Variants in FHIT observed in about 807,000 individuals in gnomAD.
FHIT encodes the protein fragile histidine triad diadenosine triphosphatase.
A neutral mutation model predicts 17.9 loss-of-function variants in FHIT; 19 were observed. That is an observed-to-expected ratio of 1.06 (90% CI 0.74 to 1.56). The LOEUF is 1.56. Ranked by LOEUF, FHIT falls within the 40% of genes most tolerant of loss-of-function variation. The pLI is 0.00. For synonymous variants in FHIT, 81 were observed against 69.7 expected, an observed-to-expected ratio of 1.16 and a Z score of -0.81; for missense variants, 248 against 189.2, an observed-to-expected ratio of 1.31 and a Z score of -1.82.
intron 4 of FHIT, among the ~76,000 whole-genome samples, chr3:60,608,632 C>T (rs2038684923): frequency 6.6e-6 from 1 of 152,038 alleles, no homozygotes; most frequent in Non-Finnish European, 1.5e-5. Flanking sequence ...GAACTGGGCC[C>T]AATATCATTA....
intron 4 of FHIT, among the ~76,000 whole-genome samples, chr3:60,637,408 A>G (rs889070447): frequency 2.0e-5 from 3 of 152,178 alleles, no homozygotes; most frequent in Middle Eastern, 3.2e-3. Context: ...AGTACTCAAT[A>G]TGGTACCTCA....
intron 4 of FHIT, among the ~76,000 whole-genome samples, chr3:60,618,954 C>CA (rs1553677101): frequency 6.6e-6 from 1 of 152,048 alleles, no homozygotes; most frequent in African/African-American, 2.4e-5. Flanking sequence ...CTAAAGGCCC[C>CA]AAAAAGGAAT....
intron 2 of FHIT, among the ~76,000 whole-genome samples, chr3:61,162,398 T>G (rs1453840189): frequency 6.6e-6 from 1 of 152,206 alleles, no homozygotes; most frequent in African/African-American, 2.4e-5. Context: ...GTTAAACTTG[T>G]GTTTAAAGGG....
At chr3:60,775,247 A>G (rs555634891) in intron 4 of FHIT, among the ~76,000 whole-genome samples, 9 of 152,292 alleles carry the variant, frequency 5.9e-5, no homozygotes, top group African/African-American at 1.7e-4. Flanking sequence ...CCACCTGTAA[A>G]CACCAGGTAA....
intron 5 of FHIT, among the ~76,000 whole-genome samples, chr3:60,143,078 G>A (rs879738593): frequency 2.6e-5 from 4 of 152,102 alleles, no homozygotes; most frequent in Non-Finnish European, 5.9e-5. Context: ...TTCAATATTC[G>A]TGAGATTAAA....
At chr3:60,673,394 C>T (rs572546189) in intron 4 of FHIT, among the ~76,000 whole-genome samples, 1 of 152,076 alleles carries the variant, frequency 6.6e-6, no homozygotes, top group Non-Finnish European at 1.5e-5. Context: ...AAGAGATCAT[C>T]CTCAACAAGC....
chr3:59,795,534 G>A (rs1699744599), intron 8 of FHIT, among the ~76,000 whole-genome samples: 1 of 151,766 alleles, frequency 6.6e-6, no homozygotes, highest in South Asian at 2.1e-4. Context: ...GACAGCCTAG[G>A]CAACATGGCA....
chr3:59,983,023 C>T (rs1708723987), intron 7 of FHIT, among the ~76,000 whole-genome samples: 1 of 151,986 alleles, frequency 6.6e-6, no homozygotes, highest in Non-Finnish European at 1.5e-5. Flanking sequence ...ACTGCAACCC[C>T]CACCTCCCTG....
chr3:59,876,852 C>G (rs1216028669), intron 8 of FHIT, among the ~76,000 whole-genome samples: 1 of 152,182 alleles, frequency 6.6e-6, no homozygotes, highest in African/African-American at 2.4e-5. Context: ...GGAAGCTAAT[C>G]TTACCCTTGA....
At chr3:60,466,315 C>T (rs1202847889) in intron 5 of FHIT, among the ~76,000 whole-genome samples, 2 of 151,948 alleles carry the variant, frequency 1.3e-5, no homozygotes, top group Admixed American at 6.6e-5. Flanking sequence ...AATATAAGAT[C>T]GTATCATCTG....
intron 4 of FHIT, among the ~76,000 whole-genome samples, chr3:60,648,790 A>AG (rs535168002): frequency 1.6e-4 from 24 of 152,300 alleles, no homozygotes; most frequent in Admixed American, 1.4e-3. Context: ...CCCTTCCTAA[A>AG]GGCGTTTGCG....
intron 5 of FHIT, among the ~76,000 whole-genome samples, chr3:60,048,909 G>A (rs557432303): frequency 2.0e-5 from 3 of 152,168 alleles, no homozygotes; most frequent in Non-Finnish European, 4.4e-5. Context: ...ACTGAGTCCA[G>A]TATTAACAGT....
At chr3:60,710,570 A>T (rs773576122) in intron 4 of FHIT, among the ~76,000 whole-genome samples, 25 of 152,178 alleles carry the variant, frequency 1.6e-4, no homozygotes, top group Non-Finnish European at 3.1e-4. Context: ...CTCCCACCTG[A>T]ATACCACGCT....
intron 5 of FHIT, among the ~76,000 whole-genome samples, chr3:60,534,203 G>A (rs993364788): frequency 2.0e-5 from 3 of 150,792 alleles, no homozygotes; most frequent in African/African-American, 7.3e-5. Flanking sequence ...CGAGGCGGGT[G>A]GATCATGAGG....
chr3:61,010,250 G>A (rs2031713905), intron 3 of FHIT, among the ~76,000 whole-genome samples: 1 of 151,200 alleles, frequency 6.6e-6, no homozygotes, highest in Admixed American at 6.6e-5. Context: ...TATTGGATCT[G>A]GGGTGATCTT....
At chr3:61,114,363 T>C (rs958360375) in intron 2 of FHIT, among the ~76,000 whole-genome samples, 1 of 152,212 alleles carries the variant, frequency 6.6e-6, no homozygotes, top group African/African-American at 2.4e-5. Flanking sequence ...ACATTTTGTC[T>C]TATTAACATT....
At chr3:60,399,408 C>T (rs923925448) in intron 5 of FHIT, among the ~76,000 whole-genome samples, 1 of 152,128 alleles carries the variant, frequency 6.6e-6, no homozygotes, top group Non-Finnish European at 1.5e-5. Flanking sequence ...AATATCAATG[C>T]CTGTGACATT....
At chr3:60,173,417 T>C (rs1701506478) in intron 5 of FHIT, among the ~76,000 whole-genome samples, 2 of 152,178 alleles carry the variant, frequency 1.3e-5, no homozygotes, top group South Asian at 2.1e-4. Context: ...TGTTCATCCA[T>C]GGATGCAGCT....
chr3:60,147,073 T>C (rs1313149266), intron 5 of FHIT, among the ~76,000 whole-genome samples: 5 of 152,174 alleles, frequency 3.3e-5, no homozygotes, highest in African/African-American at 7.2e-5. Flanking sequence ...GAACTGGTAA[T>C]ATTGCTTGCA....
Sources: gnomAD v4.1 joint callset for allele counts (sites outside exome capture counted in the v4.1 genomes callset) on GRCh38, gnomAD v4.1.1 for gene constraint, MANE v1.5 for transcripts, NCBI Gene and HGNC (gene_info 2026-07-23, HGNC 2026-07-21) for gene names.